Variants in FMN1 observed in about 807,000 individuals in gnomAD.
The protein encoded by FMN1 is formin 1, also known as formin-1.
Under a neutral mutation model 132.4 loss-of-function variants are expected in FMN1, and 110 were observed. The ratio of observed to expected loss-of-function variants is 0.83; its 90% CI spans 0.71 to 0.97. FMN1 has a LOEUF of 0.97. FMN1 is among the 50% of genes least tolerant of loss of function. The pLI is 0.00. For missense variants in FMN1, 1,792 were observed against 1,705.3 expected (o/e 1.05, Z -0.90); for synonymous variants, 722 against 651.7 (o/e 1.11, Z -1.64).
chr15:32,892,390 G>A (rs1253676609), intron 15 of FMN1, among the ~76,000 whole-genome samples: 1 of 152,256 alleles, frequency 6.6e-6, no homozygotes, highest in East Asian at 1.9e-4. Context: ...AACCATCCCT[G>A]CATCCCTGGT....
At chr15:33,019,743 G>A (rs937413890) in intron 6 of FMN1, among the ~76,000 whole-genome samples, 1 of 152,198 alleles carries the variant, frequency 6.6e-6, no homozygotes, top group African/African-American at 2.4e-5. Flanking sequence ...CTCACTGCCC[G>A]CGGCAGGGCC....
chr15:32,953,759 C>T (rs1054058436), intron 9 of FMN1, among the ~76,000 whole-genome samples: 1 of 152,208 alleles, frequency 6.6e-6, no homozygotes, highest in Non-Finnish European at 1.5e-5. Context: ...AGTTCCACCA[C>T]TGGCTGCTGC....
At chr15:33,126,062 G>C (rs1172629439) in intron 4 of FMN1, among the ~76,000 whole-genome samples, 1 of 152,172 alleles carries the variant, frequency 6.6e-6, no homozygotes, top group Non-Finnish European at 1.5e-5. Flanking sequence ...AGATAAGGTG[G>C]ATGAAAGGGC....
chr15:33,097,316 A>AGAG (rs1555399157), intron 4 of FMN1, among the ~76,000 whole-genome samples: 29 of 147,320 alleles, frequency 2.0e-4, no homozygotes, highest in African/African-American at 7.0e-4. Context: ...AAAAAAAAAA[A>AGAG]AGAGAGAGAG....
At chr15:32,892,759 G>A (rs899581993) in intron 15 of FMN1, among the ~76,000 whole-genome samples, 6 of 151,858 alleles carry the variant, frequency 4.0e-5, no homozygotes, top group African/African-American at 9.7e-5. Flanking sequence ...GTCTGTTCAC[G>A]GTATCTAATT....
chr15:33,187,271 T>C (rs1383802054), intron 2 of FMN1, among the ~76,000 whole-genome samples: 1 of 152,224 alleles, frequency 6.6e-6, no homozygotes, highest in African/African-American at 2.4e-5. Context: ...GAGAAAAAGA[T>C]AAATAGCCTG....
intron 4 of FMN1, among the ~76,000 whole-genome samples, chr15:33,128,194 G>A (rs768533821): frequency 1.8e-4 from 28 of 152,052 alleles, no homozygotes; most frequent in Middle Eastern, 3.4e-3. Context: ...AATTGCTCCC[G>A]GGAAAAAAAG....
chr15:32,959,645 T>C (rs909458050), intron 9 of FMN1, among the ~76,000 whole-genome samples: 2 of 152,190 alleles, frequency 1.3e-5, no homozygotes, highest in African/African-American at 4.8e-5. Flanking sequence ...TTAAATGAAG[T>C]GTTATTTTCC....
chr15:32,829,192 G>A (rs925683825), intron 17 of FMN1, among the ~76,000 whole-genome samples: 2 of 152,210 alleles, frequency 1.3e-5, no homozygotes, highest in Non-Finnish European at 2.9e-5. Flanking sequence ...TAATATTGAT[G>A]TAACTAGACA....
chr15:33,085,520 T>C (rs186436831), intron 5 of FMN1, among the ~76,000 whole-genome samples: 2 of 150,254 alleles, frequency 1.3e-5, no homozygotes, highest in African/African-American at 4.9e-5. Context: ...TACAAATATA[T>C]ATATCACATG....
At chr15:33,026,402 C>T (rs1274898741) in intron 6 of FMN1, among the ~76,000 whole-genome samples, 1 of 47,034 alleles carries the variant, frequency 2.1e-5, no homozygotes, top group Non-Finnish European at 4.9e-5. Context: ...GAGGATACGT[C>T]CAAATTTTCA....
chr15:32,836,583 A>T (rs1345935051), intron 17 of FMN1, among the ~76,000 whole-genome samples: 1 of 152,204 alleles, frequency 6.6e-6, no homozygotes, highest in Admixed American at 6.5e-5. Flanking sequence ...TAAGCTGTAT[A>T]TGTCTTACAA....
chr15:32,827,133 T>C (rs758727186), intron 17 of FMN1, among the ~76,000 whole-genome samples: 20 of 152,262 alleles, frequency 1.3e-4, no homozygotes, highest in Non-Finnish European at 2.6e-4. Context: ...CTTTACTGAG[T>C]GGCCTCCAGT....
In FMN1 at chr15:32,766,530, A is replaced by ACCC. The variant is rs55859863; in HGVS notation, c.*7777_*7779dup. ...GAAATTGAGAAGGCCTAGAATAAGA[A>ACCC]CCCCCCCCCCACCCCGCCCAATCTT... On this transcript the variant is annotated 3_prime_UTR_variant, in exon 21 of 21. Transcript: ENST00000616417. 1.6e-5 allele frequency: 2 copies of ACCC among 122,846 alleles called. No homozygotes were observed. The highest frequency in any genetic ancestry group is 3.4e-5 in the Non-Finnish European group (2 of 58,622). 7.6% of individuals were successfully genotyped at this position (122,846 alleles called of 1,614,324 possible).
At chr15:32,955,701 T>C (rs2061749869) in intron 9 of FMN1, among the ~76,000 whole-genome samples, 1 of 152,222 alleles carries the variant, frequency 6.6e-6, no homozygotes. Context: ...TAGCATATCC[T>C]GTACTTTTTT....
chr15:32,880,632 T>C (rs754804889), intron 16 of FMN1, among the ~76,000 whole-genome samples: 3 of 152,242 alleles, frequency 2.0e-5, no homozygotes, highest in Non-Finnish European at 4.4e-5. Context: ...GGGAGATAAG[T>C]ATTTTGAGAA....
chr15:33,058,890 T>C (rs1316276540), intron 6 of FMN1, among the ~76,000 whole-genome samples: 8 of 152,218 alleles, frequency 5.3e-5, no homozygotes, highest in Non-Finnish European at 1.2e-4. Flanking sequence ...TGCGTATCAT[T>C]TGTTATGGTG....
At chr15:32,971,581 T>G (rs1470390667) in intron 7 of FMN1, among the ~76,000 whole-genome samples, 1 of 152,204 alleles carries the variant, frequency 6.6e-6, no homozygotes, top group East Asian at 1.9e-4. Context: ...TTACCCACAT[T>G]TTAATTTCAT....
chr15:33,127,241 A>C (rs1963176570), intron 4 of FMN1, among the ~76,000 whole-genome samples: 2 of 152,206 alleles, frequency 1.3e-5, no homozygotes, highest in South Asian at 4.1e-4. Flanking sequence ...TCGGATCATC[A>C]CTACCTAACC....
Sources: gnomAD v4.1 joint callset for allele counts (sites outside exome capture counted in the v4.1 genomes callset) on GRCh38, gnomAD v4.1.1 for gene constraint, MANE v1.5 for transcripts, NCBI Gene and HGNC (gene_info 2026-07-23, HGNC 2026-07-21) for gene names.